TMEM135: variants seen among roughly 807,000 people sequenced by gnomAD.
The protein encoded by TMEM135 is transmembrane protein 135.
In TMEM135, 30 loss-of-function variants were observed where a neutral mutation model predicts 60.3. The observed-to-expected ratio is 0.50, with a 90% CI of 0.37 to 0.68. TMEM135 has a LOEUF of 0.68. Ranked by LOEUF, TMEM135 falls within the 30% of genes least tolerant of loss-of-function variation. The pLI is 0.00. For synonymous variants in TMEM135, 190 were observed against 186.7 expected, an observed-to-expected ratio of 1.02 and a Z score of -0.14; for missense variants, 468 against 548.8, an observed-to-expected ratio of 0.85 and a Z score of 1.47.
intron 4 of TMEM135, among the ~76,000 whole-genome samples, chr11:87,120,234 G>A (rs1858015118): frequency 6.7e-6 from 1 of 150,160 alleles, no homozygotes; most frequent in Non-Finnish European, 1.5e-5. Context: ...TGAGTAGCTG[G>A]GACCACAGGC....
In TMEM135 at chr11:87,325,088, T is replaced by G; in HGVS notation, c.*3755T>G. 1 of 454,054 alleles carries G rather than the reference T, an allele frequency of 2.2e-6. No homozygotes were observed. Among genetic ancestry groups the G allele is most frequent in the Non-Finnish European group, 4.4e-6 (1 of 226,782 alleles). 28.1% of individuals were successfully genotyped at this position (454,054 alleles called of 1,614,324 possible). Reference sequence around the variant, plus strand: ...TGCCAGCTCTATAATTTCTTCTTCTTGTGGAATTAACAAAGAAAGGAGTGT... The same window carrying G: ...TGCCAGCTCTATAATTTCTTCTTCTGGTGGAATTAACAAAGAAAGGAGTGT... On this transcript the variant is annotated 3_prime_UTR_variant, in exon 15 of 15. Coordinates refer to ENST00000305494, the MANE Select transcript of TMEM135 (RefSeq NM_022918.4).
At chr11:87,171,332 T>C (rs569395486) in intron 5 of TMEM135, among the ~76,000 whole-genome samples, 42 of 123,578 alleles carry the variant, frequency 3.4e-4, no homozygotes, top group African/African-American at 1.3e-3. Flanking sequence ...TTCAAGACAG[T>C]GTAGTGTTTT....
intron 4 of TMEM135, among the ~76,000 whole-genome samples, chr11:87,138,224 G>C (rs1938161550): frequency 6.6e-6 from 1 of 151,716 alleles, no homozygotes; most frequent in South Asian, 2.1e-4. Flanking sequence ...CCAAGTAGCT[G>C]GGATTACAGG....
chr11:87,200,157 T>C (rs1290710922), intron 5 of TMEM135, among the ~76,000 whole-genome samples: 2 of 152,162 alleles, frequency 1.3e-5, no homozygotes, highest in African/African-American at 4.8e-5. Context: ...AGTAAAATAA[T>C]AATTTAAAAT....
chr11:87,087,686 AG>A (rs1356881359), intron 3 of TMEM135, among the ~76,000 whole-genome samples: 2 of 152,170 alleles, frequency 1.3e-5, no homozygotes, highest in Non-Finnish European at 2.9e-5. Context: ...ATTTTCACAT[AG>A]GCTTTTAAAA....
At chr11:87,145,152 C>T (rs1411771688) in intron 4 of TMEM135, among the ~76,000 whole-genome samples, 1 of 152,140 alleles carries the variant, frequency 6.6e-6, no homozygotes, top group Non-Finnish European at 1.5e-5. Flanking sequence ...CTACTTTCTG[C>T]TATGGGTTTC....
In TMEM135 at chr11:87,327,781, A is replaced by C; in HGVS notation, c.*6448A>C. The C allele has an allele frequency of 4.4e-6, 2 of 454,026 alleles. No homozygotes were observed. The highest frequency in any genetic ancestry group is 8.8e-6 in the Non-Finnish European group (2 of 226,782). The allele number at this position is 454,026 out of a possible 1,614,324, so 28.1% of individuals were successfully genotyped here. A position where few individuals can be genotyped will look rare whatever the true frequency, so the allele number is the denominator to read the frequency against. ...AACCTGGGGGTGGGATGGGGGAGTG[A>C]TAGTTTTAAGTCCTGGAGTCCCAAG... On this transcript the variant is annotated 3_prime_UTR_variant, in exon 15 of 15. Coordinates refer to ENST00000305494, the MANE Select transcript of TMEM135 (RefSeq NM_022918.4).
At chr11:87,064,071 A>G (rs1856597469) in intron 1 of TMEM135, among the ~76,000 whole-genome samples, 1 of 152,232 alleles carries the variant, frequency 6.6e-6, no homozygotes, top group South Asian at 2.1e-4. Flanking sequence ...ACAATTTTAT[A>G]TTGTCATGAG....
rs1340709239 is a variant in TMEM135 at position 87,323,501 on chromosome 11, T to G, written c.*2168T>G. On this transcript the variant is annotated 3_prime_UTR_variant, in exon 15 of 15. Coordinates refer to ENST00000305494, the MANE Select transcript of TMEM135 (RefSeq NM_022918.4). Reference sequence around the variant, plus strand: ...ATTGACAACTTTTTGGCATTATAAATAAAGTAAAATAGATCTCTGCATTCC... The same window carrying G: ...ATTGACAACTTTTTGGCATTATAAAGAAAGTAAAATAGATCTCTGCATTCC... 4.4e-6 allele frequency: 2 copies of G among 453,830 alleles called. No homozygotes were observed. Among genetic ancestry groups the G allele is most frequent in the African/African-American group, 4.0e-5 (2 of 49,990 alleles). 28.1% of individuals were successfully genotyped at this position (453,830 alleles called of 1,614,324 possible). A position where few individuals can be genotyped will look rare whatever the true frequency, so the allele number is the denominator to read the frequency against.
intron 5 of TMEM135, among the ~76,000 whole-genome samples, chr11:87,182,949 A>G (rs1229608015): frequency 6.6e-6 from 1 of 151,994 alleles, no homozygotes; most frequent in Non-Finnish European, 1.5e-5. Context: ...AGAATTTTTA[A>G]TCATATGCAT....
intron 1 of TMEM135, among the ~76,000 whole-genome samples, chr11:87,065,410 G>C (rs1002099855): frequency 6.6e-6 from 1 of 152,030 alleles, no homozygotes; most frequent in Non-Finnish European, 1.5e-5. Context: ...CCTCATTGTG[G>C]CTTTAACTAG....
chr11:87,185,502 A>T (rs1382404726), intron 5 of TMEM135, among the ~76,000 whole-genome samples: 2 of 143,424 alleles, frequency 1.4e-5, no homozygotes, highest in African/African-American at 5.1e-5. Context: ...TTAAATTCAT[A>T]TGTGGTGTTT....
intron 5 of TMEM135, among the ~76,000 whole-genome samples, chr11:87,195,902 T>C (rs1411719187): frequency 6.6e-6 from 1 of 152,212 alleles, no homozygotes; most frequent in Non-Finnish European, 1.5e-5. Context: ...CAGTATGTAG[T>C]ATCTGTTCGA....
chr11:87,118,852 C>G (rs1189399197), intron 4 of TMEM135, among the ~76,000 whole-genome samples: 1 of 152,190 alleles, frequency 6.6e-6, no homozygotes, highest in Non-Finnish European at 1.5e-5. Flanking sequence ...CTTCACACTT[C>G]TGCAATTTCC....
intron 4 of TMEM135, among the ~76,000 whole-genome samples, chr11:87,120,192 A>T (rs1416356440): frequency 6.9e-6 from 1 of 144,962 alleles, no homozygotes; most frequent in Non-Finnish European, 1.5e-5. Flanking sequence ...AGCTCACTGT[A>T]ACCTTGATCT....
chr11:87,080,816 A>G (rs1432911739), intron 3 of TMEM135, among the ~76,000 whole-genome samples: 1 of 151,966 alleles, frequency 6.6e-6, no homozygotes, highest in Non-Finnish European at 1.5e-5. Flanking sequence ...TCTCCTGAGT[A>G]GCTGGGATTA....
intron 5 of TMEM135, among the ~76,000 whole-genome samples, chr11:87,160,805 C>A (rs904846736): frequency 3.3e-5 from 5 of 152,136 alleles, no homozygotes; most frequent in Admixed American, 2.6e-4. Context: ...AAATGTTTAA[C>A]TATGGTGATG....
chr11:87,123,882 A>C (rs1253649531), intron 4 of TMEM135, among the ~76,000 whole-genome samples: 1 of 152,218 alleles, frequency 6.6e-6, no homozygotes, highest in East Asian at 1.9e-4. Context: ...TATTATCAGT[A>C]GCTCATGAAA....
chr11:87,257,389 A>G (rs1941547811), intron 6 of TMEM135, among the ~76,000 whole-genome samples: 1 of 152,156 alleles, frequency 6.6e-6, no homozygotes, highest in Non-Finnish European at 1.5e-5. Context: ...GGTAATCAAA[A>G]GACACTATAG....
Sources: allele counts gnomAD v4.1 joint callset (sites outside exome capture counted in the v4.1 genomes callset), GRCh38; gene constraint gnomAD v4.1.1; transcripts MANE v1.5; gene names NCBI Gene and HGNC (gene_info 2026-07-23, HGNC 2026-07-21).